Variants in GPC3 observed in about 807,000 individuals in gnomAD.
GPC3 encodes glypican-3.
GPC3 carries 3 observed loss-of-function variants against 34.4 expected under a neutral mutation model. The observed-to-expected ratio is 0.09, with a 90% CI of 0.04 to 0.23. The LOEUF is 0.23. Ranked by LOEUF, GPC3 falls within the 10% of genes least tolerant of loss-of-function variation. The pLI is 1.00. For missense variants in GPC3, 351 were observed against 445.6 expected (o/e 0.79, Z 1.91); for synonymous variants, 177 against 174.0 (o/e 1.02, Z -0.13).
intron 2 of GPC3, among the ~76,000 whole-genome samples, chrX:133,887,433 A>AT (rs1240432578): frequency 1.8e-5 from 2 of 111,686 alleles, no homozygotes; most frequent in African/African-American, 6.5e-5. Context: ...GATGTTGAGC[A>AT]TTTTTTTCAT....
intron 6 of GPC3, among the ~76,000 whole-genome samples, chrX:133,626,108 A>G (rs928155533): frequency 3.6e-5 from 4 of 110,028 alleles, no homozygotes; most frequent in African/African-American, 1.3e-4. Flanking sequence ...AACTTGCTAG[A>G]CATATGTAGA....
At chrX:133,734,122 G>A (rs887478725) in intron 3 of GPC3, among the ~76,000 whole-genome samples, 3 of 111,714 alleles carry the variant, frequency 2.7e-5, no homozygotes, top group African/African-American at 9.7e-5. Flanking sequence ...TTTCTCATAA[G>A]GACAGATATA....
At chrX:133,720,681 A>G (rs1364669122) in intron 3 of GPC3, among the ~76,000 whole-genome samples, 1 of 112,009 alleles carries the variant, frequency 8.9e-6, no homozygotes, top group Non-Finnish European at 1.9e-5. Context: ...AATATGATAT[A>G]TATACACCAT....
At chrX:133,743,632 C>T (rs2071585097) in intron 3 of GPC3, among the ~76,000 whole-genome samples, 1 of 111,974 alleles carries the variant, frequency 8.9e-6, no homozygotes, top group Non-Finnish European at 1.9e-5. Context: ...TTTTGTGTGG[C>T]ATTTCAGCTT....
intron 3 of GPC3, among the ~76,000 whole-genome samples, chrX:133,743,193 G>C (rs1218611047): frequency 2.7e-5 from 3 of 112,891 alleles, no homozygotes; most frequent in African/African-American, 6.4e-5. Flanking sequence ...TGCTGGTAAT[G>C]ATGAAATTTG....
chrX:133,827,422 G>A (rs190662679), intron 2 of GPC3, among the ~76,000 whole-genome samples: 1 of 111,672 alleles, frequency 9.0e-6, no homozygotes, highest in East Asian at 2.8e-4. Flanking sequence ...ATGGACACAC[G>A]ATATATACAG....
At chrX:133,900,811 G>C (rs2076140848) in intron 2 of GPC3, among the ~76,000 whole-genome samples, 1 of 111,541 alleles carries the variant, frequency 9.0e-6, no homozygotes, top group Non-Finnish European at 1.9e-5. Context: ...GAGTGAAATG[G>C]CTTCCCACAC....
At chrX:133,789,379 C>T (rs2072138621) in intron 2 of GPC3, among the ~76,000 whole-genome samples, 1 of 112,054 alleles carries the variant, frequency 8.9e-6, no homozygotes, top group South Asian at 3.8e-4. Flanking sequence ...GACACCCATG[C>T]CTTCAGACAG....
At chrX:133,832,275 G>A (rs146633354) in intron 2 of GPC3, among the ~76,000 whole-genome samples, 1,540 of 109,902 alleles carry the variant, frequency 0.014, 27 homozygotes, top group African/African-American at 0.048. Flanking sequence ...GTGAGCCTCC[G>A]TCTCAAAAAT....
intron 3 of GPC3, among the ~76,000 whole-genome samples, chrX:133,745,454 C>G (rs966047109): frequency 1.8e-5 from 2 of 112,574 alleles, no homozygotes; most frequent in African/African-American, 3.2e-5. Flanking sequence ...CTGAACAGAG[C>G]AAGAAAGGAA....
At chrX:133,780,515 T>G (rs1373747217) in intron 2 of GPC3, among the ~76,000 whole-genome samples, 1 of 111,807 alleles carries the variant, frequency 8.9e-6, no homozygotes, top group Non-Finnish European at 1.9e-5. Flanking sequence ...TCGAAGGTAA[T>G]GACTGGTGGC....
At chrX:133,546,021 T>C (rs761397589) in intron 7 of GPC3, among the ~76,000 whole-genome samples, 2 of 112,048 alleles carry the variant, frequency 1.8e-5, no homozygotes, top group South Asian at 7.5e-4. Context: ...TGTCAATTTC[T>C]AAAGGTTGAC....
chrX:133,983,771 G>A (rs917437570), intron 1 of GPC3, among the ~76,000 whole-genome samples: 1 of 110,794 alleles, frequency 9.0e-6, no homozygotes, highest in Admixed American at 9.5e-5. Flanking sequence ...TTTCAGTTCT[G>A]TGGAACTGAT....
chrX:133,637,491 G>C (rs1293328977), intron 6 of GPC3, among the ~76,000 whole-genome samples: 1 of 111,200 alleles, frequency 9.0e-6, no homozygotes, highest in African/African-American at 3.3e-5. Flanking sequence ...TTCAAAGGGA[G>C]AGCTAGGAAG....
chrX:133,819,568 G>A (rs1411451145), intron 2 of GPC3, among the ~76,000 whole-genome samples: 1 of 110,873 alleles, frequency 9.0e-6, no homozygotes, highest in Non-Finnish European at 1.9e-5. Context: ...CCAGTACTAA[G>A]CATCTATATT....
intron 2 of GPC3, among the ~76,000 whole-genome samples, chrX:133,898,320 A>G (rs2076128366): frequency 8.9e-6 from 1 of 111,854 alleles, no homozygotes; most frequent in South Asian, 3.8e-4. Flanking sequence ...ATAAAACCAG[A>G]GTAAGTCATC....
rs552280162 is a variant in GPC3, at chrX:133,602,758, A to G, written c.1414-6159T>C. ...AATTACCCTGATTTAATCACTACAC[A>G]TTGTATACACGTATTGAACTATCAC... On this transcript the variant is annotated intron_variant, in intron 6 of 7. Transcript: ENST00000370818. Among the ~76,000 whole-genome samples, 3 of 111,984 alleles carry G rather than the reference A, an allele frequency of 2.7e-5. No homozygotes were observed. In the South Asian group the frequency reaches 1.1e-3, roughly 42 times the overall value.
chrX:133,763,384 G>T, intron 2 of GPC3: 1 of 541,282 alleles, frequency 1.8e-6, no homozygotes, highest in South Asian at 2.3e-5. Context: ...CCTGTGGGAG[G>T]TCATGCCTGA....
chrX:133,793,908 C>T (rs1426426656), intron 2 of GPC3, among the ~76,000 whole-genome samples: 3 of 111,687 alleles, frequency 2.7e-5, no homozygotes, highest in Non-Finnish European at 5.6e-5. Context: ...CCATCTTGTG[C>T]TGTCAGAGGT....
Sources: gnomAD v4.1 joint callset for allele counts (sites outside exome capture counted in the v4.1 genomes callset) on GRCh38, gnomAD v4.1.1 for gene constraint, MANE v1.5 for transcripts, NCBI Gene and HGNC (gene_info 2026-07-23, HGNC 2026-07-21) for gene names.